CENPP: variants seen among roughly 807,000 people sequenced by gnomAD.
CENPP encodes centromere protein P.
A neutral mutation model predicts 35.6 loss-of-function variants in CENPP; 24 were observed. The ratio of observed to expected loss-of-function variants is 0.67; its 90% CI spans 0.49 to 0.95. CENPP has a LOEUF of 0.95. Ranked by LOEUF, CENPP falls within the 40% of genes least tolerant of loss-of-function variation. CENPP has a pLI of 0.00. For missense variants in CENPP, 332 were observed against 345.3 expected (o/e 0.96, Z 0.31); for synonymous variants, 120 against 125.5 (o/e 0.96, Z 0.29).
chr9:92,328,092 G>A (rs919341084), intron 1 of CENPP, among the ~76,000 whole-genome samples: 11 of 151,962 alleles, frequency 7.2e-5, no homozygotes, highest in Admixed American at 6.6e-4. Flanking sequence ...GACCAAGAGG[G>A]AGTCGGTTCA....
intron 5 of CENPP, among the ~76,000 whole-genome samples, chr9:92,538,117 C>T: frequency 6.6e-6 from 1 of 152,086 alleles, no homozygotes; most frequent in East Asian, 1.9e-4. Flanking sequence ...TCTTTCTGTA[C>T]AAAAGTGTGC....
chr9:92,392,517 A>G (rs2130901411), intron 5 of CENPP, among the ~76,000 whole-genome samples: 1 of 152,078 alleles, frequency 6.6e-6, no homozygotes, highest in Non-Finnish European at 1.5e-5. Context: ...TGAGAGGCTG[A>G]GACAGGAGAG....
chr9:92,430,284 T>C (rs888870224), intron 5 of CENPP, among the ~76,000 whole-genome samples: 7 of 152,164 alleles, frequency 4.6e-5, no homozygotes, highest in African/African-American at 1.7e-4. Context: ...TTTTGCTTAA[T>C]GACTTCTAGG....
chr9:92,333,593 A>G (rs1840825158), intron 2 of CENPP, among the ~76,000 whole-genome samples: 1 of 152,156 alleles, frequency 6.6e-6, no homozygotes, highest in African/African-American at 2.4e-5. Flanking sequence ...TGAAGAAGAA[A>G]TATCATTTTA....
intron 5 of CENPP, among the ~76,000 whole-genome samples, chr9:92,591,630 C>A (rs1850666548): frequency 6.6e-6 from 1 of 151,392 alleles, no homozygotes; most frequent in Non-Finnish European, 1.5e-5. Context: ...ATGATATGTT[C>A]TTTGTAACAA....
intron 5 of CENPP, among the ~76,000 whole-genome samples, chr9:92,468,174 T>G (rs1845382388): frequency 6.6e-6 from 1 of 152,210 alleles, no homozygotes; most frequent in Non-Finnish European, 1.5e-5. Context: ...TGGGCTTTTA[T>G]TAGTTTGTTT....
chr9:92,562,705 A>G (rs1028273138), intron 5 of CENPP, among the ~76,000 whole-genome samples: 3 of 152,118 alleles, frequency 2.0e-5, no homozygotes, highest in African/African-American at 7.2e-5. Context: ...AATTACACAA[A>G]TGGTAGTTTT....
intron 5 of CENPP, among the ~76,000 whole-genome samples, chr9:92,445,728 A>G (rs141010273): frequency 0.018 from 2,742 of 152,208 alleles, 42 homozygotes; most frequent in Middle Eastern, 0.044. Context: ...TACTAAAAAT[A>G]CAAAAATTAG....
chr9:92,569,177 T>C (rs747636544), intron 5 of CENPP, among the ~76,000 whole-genome samples: 1 of 152,218 alleles, frequency 6.6e-6, no homozygotes, highest in African/African-American at 2.4e-5. Flanking sequence ...CTGAATGGTA[T>C]TGCCTAGGTT....
At chr9:92,471,477 G>A (rs1845513132) in intron 5 of CENPP, among the ~76,000 whole-genome samples, 1 of 151,940 alleles carries the variant, frequency 6.6e-6, no homozygotes, top group Admixed American at 6.6e-5. Flanking sequence ...TTACAGTCGT[G>A]AGCCACCGCA....
At chr9:92,328,992 C>G (rs796799255) in intron 1 of CENPP, among the ~76,000 whole-genome samples, 2 of 152,256 alleles carry the variant, frequency 1.3e-5, no homozygotes, top group East Asian at 1.9e-4. Context: ...AACACCATAC[C>G]TATTAAACAC....
intron 5 of CENPP, among the ~76,000 whole-genome samples, chr9:92,529,153 G>A (rs755113540): frequency 6.6e-6 from 1 of 152,168 alleles, no homozygotes; most frequent in Non-Finnish European, 1.5e-5. Flanking sequence ...TTCAAAAACT[G>A]CAAAAAGAAA....
chr9:92,514,849 C>T lies in CENPP; in HGVS notation c.565-96465C>T, dbSNP rs1490154131. 3.1e-6 allele frequency: 5 copies of T among 1,611,610 alleles called. No homozygotes were observed. In the South Asian group the frequency reaches 3.3e-5, roughly 11 times the overall value. On this transcript the variant is annotated intron_variant, in intron 5 of 7. Coordinates refer to ENST00000375587, the MANE Select transcript of CENPP (RefSeq NM_001012267.3). ...CTCCTCATCCTCCTCACCCTCCTCA[C>T]CCTCCTCCTCCTCATCCTCCTCCTC...
chr9:92,551,051 T>C (rs867077894), intron 5 of CENPP, among the ~76,000 whole-genome samples: 44 of 152,172 alleles, frequency 2.9e-4, no homozygotes, highest in South Asian at 8.3e-4. Flanking sequence ...ACAAAGTTAT[T>C]TGGGCAGAGA....
At chr9:92,452,276 A>G (rs1442175282) in intron 5 of CENPP, among the ~76,000 whole-genome samples, 7 of 152,082 alleles carry the variant, frequency 4.6e-5, no homozygotes, top group African/African-American at 1.4e-4. Flanking sequence ...ACGTCCCATC[A>G]ATACCTAATT....
At chr9:92,400,296 C>A (rs1843057875) in intron 5 of CENPP, among the ~76,000 whole-genome samples, 1 of 152,060 alleles carries the variant, frequency 6.6e-6, no homozygotes, top group South Asian at 2.1e-4. Context: ...ATTACAGGCA[C>A]CTGCCACCAC....
intron 5 of CENPP, chr9:92,384,721 T>C (rs1842356250): frequency 6.6e-6 from 1 of 152,148 alleles, no homozygotes; most frequent in African/African-American, 2.4e-5. Context: ...CACCACAGAA[T>C]ATTCTGTTTT....
chr9:92,545,708 A>G (rs560510187), intron 5 of CENPP, among the ~76,000 whole-genome samples: 11 of 151,476 alleles, frequency 7.3e-5, no homozygotes, highest in African/African-American at 2.7e-4. Flanking sequence ...AGCTGGGCTC[A>G]TCCAGCTGGG....
Position 92,586,131 on chromosome 9 carries a change from C to T in CENPP, c.565-25183C>T, listed in dbSNP as rs546438897. Among the ~76,000 whole-genome samples the T allele has an allele frequency of 2.0e-5, 3 of 152,302 alleles. No individual in the cohort carries two copies. In the South Asian group the frequency reaches 6.2e-4, roughly 32 times the overall value. On this transcript the variant is annotated intron_variant, in intron 5 of 7. Transcript: ENST00000375587. ...CGCAATCTCGGCTCACTGCAACCTCCGCCTCCCGGTTTCAGACGATTCTCC... is the reference window on the plus strand; with the variant it reads ...CGCAATCTCGGCTCACTGCAACCTCTGCCTCCCGGTTTCAGACGATTCTCC...
Sources: gnomAD v4.1 joint callset for allele counts (sites outside exome capture counted in the v4.1 genomes callset) on GRCh38, gnomAD v4.1.1 for gene constraint, MANE v1.5 for transcripts, NCBI Gene and HGNC (gene_info 2026-07-23, HGNC 2026-07-21) for gene names.